The following ZNF426 variants were observed in gnomAD, a reference collection of about 807,000 sequenced individuals.
ZNF426 encodes zinc finger protein 426.
In ZNF426, 23 loss-of-function variants were observed where a neutral mutation model predicts 24.0. The ratio of observed to expected loss-of-function variants is 0.96; its 90% CI spans 0.69 to 1.36. The LOEUF is 1.36. ZNF426 is among the 40% of genes most tolerant of loss of function. ZNF426 has a pLI of 0.00. For missense variants in ZNF426, 646 were observed against 658.4 expected (o/e 0.98, Z 0.21); for synonymous variants, 272 against 224.6 (o/e 1.21, Z -1.89).
rs2073769144 is a variant in ZNF426 at position 9,524,211 on chromosome 19, G to C, written c.*4169C>G. On this transcript the variant is annotated 3_prime_UTR_variant, in exon 8 of 8. Coordinates refer to ENST00000253115, the MANE Select transcript of ZNF426 (RefSeq NM_024106.3). ...ATAAACATAGGTTTTCTCCTAGTGG[G>C]AGTTTTGTGGTATCAGTCCTATGGA... The C allele has an allele frequency of 6.6e-6, 1 of 152,238 alleles. No individual in the cohort carries two copies. The highest frequency in any genetic ancestry group is 2.4e-5 in the African/African-American group (1 of 41,452). The allele number at this position is 152,238 out of a possible 1,614,324, so 9.4% of individuals were successfully genotyped here.
chr19:9,529,900 C>T (rs2073857242), intron 7 of ZNF426, among the ~76,000 whole-genome samples: 2 of 151,942 alleles, frequency 1.3e-5, no homozygotes, highest in South Asian at 4.2e-4. Context: ...GGGGGCAGAT[C>T]ACCTGAGGTC....
chr19:9,537,817 A>AT (rs1020923661), intron 2 of ZNF426, among the ~76,000 whole-genome samples: 6 of 151,492 alleles, frequency 4.0e-5, no homozygotes, highest in South Asian at 2.1e-4. Flanking sequence ...CGCTCGGCTA[A>AT]TTTTTTTTCT....
In ZNF426 at chr19:9,531,027, CT is replaced by C; in HGVS notation, c.365del (p.Gln122ArgfsTer5). 6.2e-7 allele frequency: 1 copy of C among 1,614,120 alleles called. No homozygotes were observed. On this transcript the variant is annotated frameshift_variant, in exon 7 of 8. Transcript: ENST00000253115. LOFTEE classifies it low-confidence loss of function (END_TRUNC). ...MRLETQWSIL[Q>X]QDFLRGQTSI... ...ATGTCTGACCCCTCAAAAAGTCCTGCTGAAGTATAGACCACTGGGTTTCAAG... is the reference window on the plus strand; with the variant it reads ...ATGTCTGACCCCTCAAAAAGTCCTGCGAAGTATAGACCACTGGGTTTCAAG...
Position 9,536,358 on chromosome 19 carries a change from T to C in ZNF426, c.-124-2A>G, listed in dbSNP as rs1465031505. 1.9e-6 allele frequency: 3 copies of C among 1,588,418 alleles called. No individual in the cohort carries two copies. The highest frequency in any genetic ancestry group is 4.5e-5 in the East Asian group (2 of 44,206). ...CTTTAAACAGGGTTATTGGGATTCC[T>C]GTTGGTATTAATCAATAATCAACAA... On this transcript the variant is annotated splice_acceptor_variant, in intron 2 of 7. Coordinates refer to ENST00000253115, the MANE Select transcript of ZNF426 (RefSeq NM_024106.3). LOFTEE classifies it low-confidence loss of function (5UTR_SPLICE).
At chr19:9,532,764 A>T (rs938679692) in intron 6 of ZNF426, 81 bp downstream of exon 6, 2 of 1,014,132 alleles carry the variant, frequency 2.0e-6, no homozygotes, top group Non-Finnish European at 3.1e-6. Context: ...GGGAGAAAGT[A>T]CATGTTAAAA....
chr19:9,530,548 G>A (rs975420195), intron 7 of ZNF426, among the ~76,000 whole-genome samples: 2 of 151,950 alleles, frequency 1.3e-5, no homozygotes, highest in African/African-American at 4.8e-5. Flanking sequence ...GATCACTTGA[G>A]CACAGGAGTT....
chr19:9,537,288 C>T (rs2073981200), intron 2 of ZNF426, among the ~76,000 whole-genome samples: 1 of 152,020 alleles, frequency 6.6e-6, no homozygotes, highest in South Asian at 2.1e-4. Context: ...ACTCTATAGG[C>T]CTCCTTCTAC....
In ZNF426 at chr19:9,529,886, G is replaced by A. The variant is rs185566640; in HGVS notation, c.409-250C>T. The stretch of plus-strand genomic sequence containing the variant: ...TGTAATCCCAGCACTTTGGGAGTCC[G>A]ATGGGGGGCAGATCACCTGAGGTCA... On this transcript the variant is annotated intron_variant, in intron 7 of 7. Transcript: ENST00000253115. Among the ~76,000 whole-genome samples, 13 of 152,154 alleles carry A rather than the reference G, an allele frequency of 8.5e-5. No individual in the cohort carries two copies. In the East Asian group the frequency reaches 1.2e-3, roughly 14 times the overall value.
intron 6 of ZNF426, among the ~76,000 whole-genome samples, chr19:9,532,161 G>C (rs1398953684): frequency 1.3e-5 from 2 of 151,738 alleles, no homozygotes; most frequent in Admixed American, 6.6e-5. Flanking sequence ...TAGATACATT[G>C]GACAAAAGGA....
At position 9,528,452 on chromosome 19, in the gene ZNF426, G is replaced by T; in HGVS notation, c.1593C>A (p.Pro531=). ...IHEKTHTEEK[P]YKCQQCGKAY... Reference sequence around the variant, plus strand: ...CTTTCCCGCATTGCTGACATTTATAGGGTTTCTCTTCTGTGTGAGTTTTTT... The same window carrying T: ...CTTTCCCGCATTGCTGACATTTATATGGTTTCTCTTCTGTGTGAGTTTTTT... The change falls in exon 8 of 8, where the codon CCC becomes CCA. Residue 531 remains proline, a synonymous_variant. Transcript: ENST00000253115. The T allele has an allele frequency of 6.2e-7, 1 of 1,613,714 alleles. No homozygotes were observed. The highest frequency in any genetic ancestry group is 8.5e-7 in the Non-Finnish European group (1 of 1,179,894).
chr19:9,530,722 C>T (rs948943746), intron 7 of ZNF426, among the ~76,000 whole-genome samples: 6 of 152,058 alleles, frequency 3.9e-5, no homozygotes, highest in African/African-American at 1.4e-4. Context: ...ATGATTGCAC[C>T]ACTGCACTCC....
rs1184837745 is a variant in ZNF426, at chr19:9,536,244, A to G, written c.-12T>C. On this transcript the variant is annotated 5_prime_UTR_variant, in exon 3 of 8. Transcript: ENST00000253115. ...TCAGCAGCTGCCATCCCGCGAGGTG[A>G]GAACGTGTCAGAACCCTCCTTTCAT... 1 of 1,614,120 alleles carries G rather than the reference A, an allele frequency of 6.2e-7. No homozygotes were observed. Among genetic ancestry groups the G allele is most frequent in the Non-Finnish European group, 8.5e-7 (1 of 1,180,056 alleles).
At position 9,526,927 on chromosome 19, in the gene ZNF426, GTTTA is replaced by G. The variant is rs2144762461; in HGVS notation, c.*1449_*1452del. On this transcript the variant is annotated 3_prime_UTR_variant, in exon 8 of 8. Coordinates refer to ENST00000253115, the MANE Select transcript of ZNF426 (RefSeq NM_024106.3). ...GAAGAAGTGAAGGTAAAATAAAAAT[GTTTA>G]TTTTTCTAATACTTAATTGATCTGA... 6.6e-6 allele frequency: 1 copy of G among 152,120 alleles called. No individual in the cohort carries two copies. The highest frequency in any genetic ancestry group is 6.5e-5 in the Admixed American group (1 of 15,268). 9.4% of individuals were successfully genotyped at this position (152,120 alleles called of 1,614,324 possible).
At position 9,528,214 on chromosome 19, in the gene ZNF426, C is replaced by T. The variant is rs1484506886; in HGVS notation, c.*166G>A. 5 of 691,902 alleles carry T rather than the reference C, an allele frequency of 7.2e-6. No individual in the cohort carries two copies. Among genetic ancestry groups the T allele is most frequent in the Non-Finnish European group, 1.1e-5 (5 of 437,688 alleles). 42.9% of individuals were successfully genotyped at this position (691,902 alleles called of 1,614,324 possible). A position where few individuals can be genotyped will look rare whatever the true frequency, so the allele number is the denominator to read the frequency against. On this transcript the variant is annotated 3_prime_UTR_variant, in exon 8 of 8. Coordinates refer to ENST00000253115, the MANE Select transcript of ZNF426 (RefSeq NM_024106.3). The stretch of plus-strand genomic sequence containing the variant: ...TGTTGGCCAGGGTGGTCTCAAACTC[C>T]TGACCTCAAGTGATCCACCCACCTC...
rs1157188835 is a variant in ZNF426, at chr19:9,529,455, G to C, written c.590C>G (p.Ser197Cys). 2.5e-6 allele frequency: 4 copies of C among 1,613,984 alleles called. No homozygotes were observed. In the South Asian group the frequency reaches 3.3e-5, roughly 13 times the overall value. The change falls in exon 8 of 8, where the codon TCT becomes TGT. Residue 197 changes from serine to cysteine, a missense_variant. Transcript: ENST00000253115. ...CEKTSTGEKL[S>C]EFNQSEKIFS... ...GATTTTTTCACTCTGATTAAACTCAGAAAGTTTCTCACCAGTAGAGGTTTT... is the reference window on the plus strand; with the variant it reads ...GATTTTTTCACTCTGATTAAACTCACAAAGTTTCTCACCAGTAGAGGTTTT...
rs934776367 is a variant in ZNF426 at position 9,528,328 on chromosome 19, G to A, written c.*52C>T. 6.6e-7 allele frequency: 1 copy of A among 1,504,806 alleles called. No individual in the cohort carries two copies. The highest frequency in any genetic ancestry group is 2.3e-5 in the East Asian group (1 of 44,138). The allele number at this position is 1,504,806 out of a possible 1,614,324, so 93.2% of individuals were successfully genotyped here. ...GTGAGTTCATTCATGTCTTTAAAGT[G>A]AACTGGAACAAATGAGAGCTTTCCC... is the stretch of plus-strand genomic sequence containing the variant. On this transcript the variant is annotated 3_prime_UTR_variant, in exon 8 of 8. Transcript: ENST00000253115.
At chr19:9,534,213 CT>C (rs552538000) in intron 4 of ZNF426, among the ~76,000 whole-genome samples, 6 of 149,406 alleles carry the variant, frequency 4.0e-5, no homozygotes, top group Non-Finnish European at 7.5e-5. Flanking sequence ...TAGGAGATCT[CT>C]TTTTTTTTTG....
intron 5 of ZNF426, 32 bp from the exon 6 acceptor site, chr19:9,532,957 G>A: frequency 6.5e-7 from 1 of 1,542,434 alleles, no homozygotes; most frequent in Non-Finnish European, 8.9e-7. Flanking sequence ...AATGGAAGAG[G>A]CTCATAAAAA....
chr19:9,537,851 A>G (rs2073992112), intron 2 of ZNF426, among the ~76,000 whole-genome samples: 1 of 151,846 alleles, frequency 6.6e-6, no homozygotes, highest in Admixed American at 6.6e-5. Context: ...ACGGGGTTTC[A>G]CCATCTTAGC....
Sources: allele counts gnomAD v4.1 joint callset (sites outside exome capture counted in the v4.1 genomes callset), GRCh38; gene constraint gnomAD v4.1.1; transcripts MANE v1.5; gene names NCBI Gene and HGNC (gene_info 2026-07-23, HGNC 2026-07-21).